Variants in BICD1 observed in about 807,000 individuals in gnomAD.
The protein encoded by BICD1 is BICD cargo adaptor 1.
In BICD1, 35 loss-of-function variants were observed where a neutral mutation model predicts 92.5. The observed-to-expected ratio is 0.38, with a 90% CI of 0.29 to 0.50. The LOEUF (loss-of-function observed/expected upper bound fraction) is 0.50. Ranked by LOEUF, BICD1 falls within the 20% of genes least tolerant of loss-of-function variation. The pLI, the probability that BICD1 is intolerant of heterozygous loss-of-function variation, is 0.93. For missense variants in BICD1, 950 were observed against 1,189.8 expected, an observed-to-expected ratio of 0.80 and a Z score of 2.97; for synonymous variants, 429 against 465.1, an observed-to-expected ratio of 0.92 and a Z score of 1.00.
intron 4 of BICD1, among the ~76,000 whole-genome samples, chr12:32,321,419 T>C (rs190603037): frequency 3.3e-5 from 5 of 152,280 alleles, no homozygotes; most frequent in Admixed American, 3.3e-4. Context: ...AAACATATGT[T>C]GTATACTTAC....
At chr12:32,115,388 T>TTTTG (rs1491589396) in intron 1 of BICD1, among the ~76,000 whole-genome samples, 20 of 29,550 alleles carry the variant, frequency 6.8e-4, no homozygotes, top group South Asian at 2.5e-3. Context: ...GTGTTTTTGG[T>TTTTG]TTTTTTTTTT....
intron 2 of BICD1, among the ~76,000 whole-genome samples, chr12:32,241,825 C>T (rs1329459628): frequency 2.6e-5 from 4 of 151,982 alleles, no homozygotes; most frequent in African/African-American, 9.7e-5. Flanking sequence ...GACCTAGGCA[C>T]CTGAATTTTT....
chr12:32,368,783 C>T (rs896547608), intron 9 of BICD1, among the ~76,000 whole-genome samples: 1 of 152,130 alleles, frequency 6.6e-6, no homozygotes, highest in Non-Finnish European at 1.5e-5. Flanking sequence ...GGTGCAGTGG[C>T]TCATGCTGGT....
At position 32,107,263 on chromosome 12, in the gene BICD1, C is replaced by A; in HGVS notation, c.-69C>A. On this transcript the variant is annotated 5_prime_UTR_variant, in exon 1 of 10. Coordinates refer to ENST00000652176, the MANE Select transcript of BICD1 (RefSeq NM_001714.4). Reference sequence around the variant, plus strand: ...CCCATCCCTTCCCATTTCCTTCTCCCTTTCCCCGCCAGCTTCGCATCCATC... The same window carrying A: ...CCCATCCCTTCCCATTTCCTTCTCCATTTCCCCGCCAGCTTCGCATCCATC... The A allele has an allele frequency of 7.2e-7, 1 of 1,396,744 alleles. No homozygotes were observed. The highest frequency in any genetic ancestry group is 9.8e-7 in the Non-Finnish European group (1 of 1,019,310). The allele number at this position is 1,396,744 out of a possible 1,614,324, so 86.5% of individuals were successfully genotyped here.
At chr12:32,139,770 G>A (rs991385462) in intron 1 of BICD1, among the ~76,000 whole-genome samples, 4 of 152,090 alleles carry the variant, frequency 2.6e-5, no homozygotes, top group Non-Finnish European at 5.9e-5. Context: ...CACCATGTTG[G>A]CCAGGATGCT....
intron 1 of BICD1, among the ~76,000 whole-genome samples, chr12:32,143,687 G>A (rs2608405): frequency 0.51 from 77,994 of 151,902 alleles, 20,153 homozygotes; most frequent in Admixed American, 0.6. Flanking sequence ...GCGTGATCAC[G>A]GTGGTGTAGA....
intron 1 of BICD1, among the ~76,000 whole-genome samples, chr12:32,119,687 C>T (rs1347078957): frequency 1.3e-5 from 2 of 152,186 alleles, no homozygotes; most frequent in South Asian, 2.1e-4. Context: ...GCCTGACCAA[C>T]GTGGCGAAAC....
In BICD1 at chr12:32,274,536, G is replaced by A. The variant is rs1262748031; in HGVS notation, c.427-19458G>A. ...TGAAGAATTTGTAGGAAGTCATCTT[G>A]AAAATAATAAAGCAATATATTTTTC... On this transcript the variant is annotated intron_variant, in intron 2 of 9. Transcript: ENST00000652176. 3.3e-5 allele frequency among the ~76,000 whole-genome samples: 5 copies of A among 152,120 alleles called. 1 individual carries two copies. The highest frequency in any genetic ancestry group is 1.2e-4 in the African/African-American group (5 of 41,434).
chr12:32,294,963 T>G (rs1367733247), intron 3 of BICD1, among the ~76,000 whole-genome samples: 1 of 151,318 alleles, frequency 6.6e-6, no homozygotes, highest in Non-Finnish European at 1.5e-5. Flanking sequence ...GTACCTGTAA[T>G]CTCAGCTACT....
intron 2 of BICD1, among the ~76,000 whole-genome samples, chr12:32,284,422 T>A (rs1307706576): frequency 6.6e-6 from 1 of 152,054 alleles, no homozygotes; most frequent in East Asian, 2.0e-4. Context: ...GTACTTTTAT[T>A]GTTATTAGGC....
intron 2 of BICD1, among the ~76,000 whole-genome samples, chr12:32,278,987 A>C (rs1947348887): frequency 6.6e-6 from 1 of 152,272 alleles, no homozygotes; most frequent in African/African-American, 2.4e-5. Context: ...GACAAATGCC[A>C]GCACAATGCA....
At chr12:32,332,853 G>C (rs1163843310) in intron 5 of BICD1, 2 of 985,184 alleles carry the variant, frequency 2.0e-6, no homozygotes, top group African/African-American at 3.5e-5. Flanking sequence ...TATGTGGCTG[G>C]AAATAAGACT....
At chr12:32,326,481 A>G (rs1350979694) in intron 4 of BICD1, among the ~76,000 whole-genome samples, 1 of 152,240 alleles carries the variant, frequency 6.6e-6, no homozygotes, top group East Asian at 1.9e-4. Context: ...ACATTATTCA[A>G]ATTAATTACT....
At chr12:32,217,011 G>A (rs1945380678) in intron 2 of BICD1, among the ~76,000 whole-genome samples, 2 of 152,192 alleles carry the variant, frequency 1.3e-5, no homozygotes, top group African/African-American at 2.4e-5. Context: ...CTCTGTGAGT[G>A]TTGAGCATCC....
intron 2 of BICD1, among the ~76,000 whole-genome samples, chr12:32,219,364 G>A (rs950838151): frequency 1.3e-5 from 2 of 152,154 alleles, no homozygotes; most frequent in Admixed American, 6.5e-5. Context: ...TTACAGGATA[G>A]TATGGTGGAA....
intron 2 of BICD1, among the ~76,000 whole-genome samples, chr12:32,256,145 T>C (rs749397518): frequency 6.6e-6 from 1 of 152,062 alleles, no homozygotes; most frequent in African/African-American, 2.4e-5. Flanking sequence ...CTTGACCCCC[T>C]GGGCTCAAGC....
At chr12:32,166,670 A>T (rs1419818159) in intron 1 of BICD1, among the ~76,000 whole-genome samples, 1 of 152,186 alleles carries the variant, frequency 6.6e-6, no homozygotes, top group South Asian at 2.1e-4. Context: ...AGCTGTCCAC[A>T]TTTGTAAGCC....
chr12:32,128,318 A>G (rs145664244), intron 1 of BICD1, among the ~76,000 whole-genome samples: 239 of 152,324 alleles, frequency 1.6e-3, no homozygotes, highest in African/African-American at 5.6e-3. Flanking sequence ...TTTTTGAGGA[A>G]GCATATGCGT....
chr12:32,208,803 GCT>G (rs1945132816), intron 1 of BICD1, among the ~76,000 whole-genome samples: 1 of 151,920 alleles, frequency 6.6e-6, no homozygotes, highest in Non-Finnish European at 1.5e-5. Flanking sequence ...GATCATTTGG[GCT>G]CAGTGTTTTC....
Sources: gnomAD v4.1 joint callset for allele counts (sites outside exome capture counted in the v4.1 genomes callset) on GRCh38, gnomAD v4.1.1 for gene constraint, MANE v1.5 for transcripts, NCBI Gene and HGNC (gene_info 2026-07-23, HGNC 2026-07-21) for gene names.